Variants in TUNAR observed in about 807,000 individuals in gnomAD.
TUNAR encodes protein TUNAR.
At chr14:95,909,647 C>G (rs1451627157) in intron 2 of TUNAR, among the ~76,000 whole-genome samples, 1 of 152,204 alleles carries the variant, frequency 6.6e-6, no homozygotes, top group East Asian at 1.9e-4. Flanking sequence ...TACCCCCCAT[C>G]TCAGCTGCCT....
intron 2 of TUNAR, among the ~76,000 whole-genome samples, chr14:95,906,281 C>G (rs949388542): frequency 6.6e-6 from 1 of 152,160 alleles, no homozygotes; most frequent in African/African-American, 2.4e-5. Flanking sequence ...TGGACAGGCA[C>G]TAATCCATGC....
At chr14:95,908,937 G>GGCA (rs1889469027) in intron 2 of TUNAR, among the ~76,000 whole-genome samples, 1 of 152,200 alleles carries the variant, frequency 6.6e-6, no homozygotes. Context: ...CAGTGGAAGT[G>GGCA]GCAGGTAGGC....
At chr14:95,891,314 C>A (rs1378216305) in intron 2 of TUNAR, among the ~76,000 whole-genome samples, 1 of 152,164 alleles carries the variant, frequency 6.6e-6, no homozygotes, top group Non-Finnish European at 1.5e-5. Context: ...AGGCTGCCAG[C>A]GGTTGTGTTC....
chr14:95,879,675 T>C (rs535878594), intron 2 of TUNAR, among the ~76,000 whole-genome samples: 2 of 151,994 alleles, frequency 1.3e-5, no homozygotes, highest in Admixed American at 1.3e-4. Flanking sequence ...GAATAAATTC[T>C]TCCTTTTCAG....
At chr14:95,897,881 CT>C (rs1189840864) in intron 2 of TUNAR, among the ~76,000 whole-genome samples, 1 of 152,128 alleles carries the variant, frequency 6.6e-6, no homozygotes, top group Non-Finnish European at 1.5e-5. Flanking sequence ...CTTTCTATGC[CT>C]TTTTCATACT....
At chr14:95,900,021 C>T (rs1478484425) in intron 2 of TUNAR, among the ~76,000 whole-genome samples, 3 of 152,194 alleles carry the variant, frequency 2.0e-5, no homozygotes, top group Non-Finnish European at 4.4e-5. Flanking sequence ...AGGAATTTCT[C>T]GGTCCTCCAG....
At chr14:95,896,332 C>A (rs2139660096) in intron 2 of TUNAR, among the ~76,000 whole-genome samples, 1 of 152,324 alleles carries the variant, frequency 6.6e-6, no homozygotes, top group East Asian at 1.9e-4. Flanking sequence ...TGAGGTAGAA[C>A]CCCAGAAATA....
At chr14:95,890,235 G>A (rs770931683) in intron 2 of TUNAR, among the ~76,000 whole-genome samples, 2 of 152,300 alleles carry the variant, frequency 1.3e-5, no homozygotes, top group South Asian at 2.1e-4. Context: ...AGCCATCAGC[G>A]ACCAGGATGT....
intron 2 of TUNAR, among the ~76,000 whole-genome samples, chr14:95,889,887 G>A (rs1441528912): frequency 6.8e-6 from 1 of 147,592 alleles, no homozygotes; most frequent in East Asian, 2.0e-4. Flanking sequence ...TTAGGAAACA[G>A]CTTTTTACTG....
At chr14:95,893,994 T>A (rs1163521583) in intron 2 of TUNAR, among the ~76,000 whole-genome samples, 1 of 152,254 alleles carries the variant, frequency 6.6e-6, no homozygotes. Context: ...TAATGCTGAT[T>A]CAAAGTCGCA....
At chr14:95,906,773 A>G (rs1889432597) in intron 2 of TUNAR, among the ~76,000 whole-genome samples, 1 of 152,196 alleles carries the variant, frequency 6.6e-6, no homozygotes, top group South Asian at 2.1e-4. Flanking sequence ...GTGTGGACAT[A>G]TGAAAGACAT....
intron 2 of TUNAR, among the ~76,000 whole-genome samples, chr14:95,921,700 A>G (rs1020410551): frequency 6.6e-6 from 1 of 151,800 alleles, no homozygotes; most frequent in South Asian, 2.1e-4. Flanking sequence ...GGAGAAAGCC[A>G]CTCTCCTGAG....
intron 2 of TUNAR, among the ~76,000 whole-genome samples, chr14:95,902,234 A>G (rs1889366948): frequency 6.6e-6 from 1 of 152,114 alleles, no homozygotes. Context: ...AGTCTGGACA[A>G]GTATTGGATC....
At chr14:95,881,667 C>T (rs1342813901) in intron 2 of TUNAR, among the ~76,000 whole-genome samples, 5 of 152,082 alleles carry the variant, frequency 3.3e-5, no homozygotes, top group African/African-American at 9.7e-5. Flanking sequence ...GTAGAGATGC[C>T]GTCGTAGCTG....
At chr14:95,900,478 C>G (rs1434549020) in intron 2 of TUNAR, among the ~76,000 whole-genome samples, 1 of 149,960 alleles carries the variant, frequency 6.7e-6, no homozygotes, top group Non-Finnish European at 1.5e-5. Context: ...CAGAGGCTCA[C>G]AAGTGCCAGG....
intron 2 of TUNAR, among the ~76,000 whole-genome samples, chr14:95,898,419 C>T (rs1022297164): frequency 4.6e-5 from 7 of 152,206 alleles, no homozygotes; most frequent in South Asian, 2.1e-4. Context: ...TGAAAGCCCA[C>T]GTCCTTCAGC....
At chr14:95,902,584 C>T (rs555630817) in intron 2 of TUNAR, among the ~76,000 whole-genome samples, 12 of 152,306 alleles carry the variant, frequency 7.9e-5, no homozygotes, top group South Asian at 6.2e-4. Flanking sequence ...ATCGCACTTA[C>T]GGGAGCTGTT....
rs1889247799 is a variant in TUNAR, at chr14:95,895,458, T to C, written c.12+18281T>C. Among the ~76,000 whole-genome samples the C allele has an allele frequency of 1.3e-5, 2 of 151,944 alleles. No homozygotes were observed. The highest frequency in any genetic ancestry group is 4.8e-5 in the African/African-American group (2 of 41,350). On this transcript the variant is annotated intron_variant, in intron 2 of 2. Coordinates refer to ENST00000678517, the Ensembl canonical transcript of TUNAR. The surrounding 1 kb of genome is among the most constrained non-coding windows in gnomAD (Gnocchi z 4.5). The stretch of plus-strand genomic sequence containing the variant: ...GTGTGTATGTGTGGGTGTGCATGCA[T>C]AGGAGGAAAGGGAGCGGAGAGTTGT...
intron 1 of TUNAR, 51 bp from the exon 1 acceptor site, chr14:95,876,781 G>A (rs937355502): frequency 3.9e-5 from 6 of 152,214 alleles, no homozygotes; most frequent in Admixed American, 3.9e-4. Flanking sequence ...GGTGCTGCTG[G>A]CGCCCGGCCC....
Sources: allele counts gnomAD v4.1 joint callset (sites outside exome capture counted in the v4.1 genomes callset), GRCh38; gene constraint gnomAD v4.1.1; non-coding constraint Gnocchi (gnomAD v3.1); transcripts MANE v1.5; gene names NCBI Gene and HGNC (gene_info 2026-07-23, HGNC 2026-07-21).